DYNC1I1: variants seen among roughly 807,000 people sequenced by gnomAD.
The protein encoded by DYNC1I1 is cytoplasmic dynein 1 intermediate chain 1.
In DYNC1I1, 43 loss-of-function variants were observed where a neutral mutation model predicts 86.6. The ratio of observed to expected loss-of-function variants is 0.50; its 90% CI spans 0.39 to 0.64. DYNC1I1 has a LOEUF of 0.64. Ranked by LOEUF, DYNC1I1 falls within the 30% of genes least tolerant of loss-of-function variation. The pLI is 0.00. For missense variants in DYNC1I1, 604 were observed against 788.8 expected, an observed-to-expected ratio of 0.77 and a Z score of 2.81; for synonymous variants, 262 against 283.7, an observed-to-expected ratio of 0.92 and a Z score of 0.77.
At chr7:95,961,149 T>A (rs933790586) in intron 6 of DYNC1I1, among the ~76,000 whole-genome samples, 1 of 152,180 alleles carries the variant, frequency 6.6e-6, no homozygotes, top group African/African-American at 2.4e-5. Flanking sequence ...CTAGACATAT[T>A]TCTCCTTCAA....
intron 1 of DYNC1I1, among the ~76,000 whole-genome samples, chr7:95,784,532 T>A (rs1794077997): frequency 6.6e-6 from 1 of 152,170 alleles, no homozygotes; most frequent in African/African-American, 2.4e-5. Context: ...GGGGGCAACT[T>A]GAGGTGATGC....
chr7:95,915,719 G>A (rs1791451605), intron 6 of DYNC1I1, among the ~76,000 whole-genome samples: 1 of 152,138 alleles, frequency 6.6e-6, no homozygotes, highest in African/African-American at 2.4e-5. Flanking sequence ...TCAATGAAAT[G>A]AAATGAGAAA....
At chr7:96,083,479 C>A (rs1169154462) in intron 16 of DYNC1I1, among the ~76,000 whole-genome samples, 1 of 147,920 alleles carries the variant, frequency 6.8e-6, no homozygotes, top group African/African-American at 2.7e-5. Flanking sequence ...CCCTTAAGGG[C>A]AAATGCTGCC....
chr7:96,052,994 G>A (rs1356650520), intron 14 of DYNC1I1, among the ~76,000 whole-genome samples: 2 of 152,120 alleles, frequency 1.3e-5, no homozygotes, highest in East Asian at 3.9e-4. Flanking sequence ...CAAATTACCA[G>A]CAGTATTTAT....
chr7:95,947,980 CTTTTT>C (rs35181190), intron 6 of DYNC1I1, among the ~76,000 whole-genome samples: 119 of 106,850 alleles, frequency 1.1e-3, no homozygotes, highest in African/African-American at 4.1e-3. Flanking sequence ...TTGTATGTGG[CTTTTT>C]TTTTTTTTTT....
rs531044530 is a variant in DYNC1I1 at position 95,849,400 on chromosome 7, G to A, written c.375-20483G>A. On this transcript the variant is annotated intron_variant, in intron 5 of 16. Coordinates refer to ENST00000447467, the MANE Select transcript of DYNC1I1 (RefSeq NM_001135556.2). Reference sequence around the variant, plus strand: ...TTTGAGGGAGTTTTTTGGATATGGTGTAAGATAAAGGTCTAATTTTATTCT... The same window carrying A: ...TTTGAGGGAGTTTTTTGGATATGGTATAAGATAAAGGTCTAATTTTATTCT... Among the ~76,000 whole-genome samples, 10 of 152,212 alleles carry A rather than the reference G, an allele frequency of 6.6e-5. No individual in the cohort carries two copies. The South Asian group carries it at 1.2e-3, about 19-fold the overall frequency.
intron 10 of DYNC1I1, among the ~76,000 whole-genome samples, chr7:96,024,905 G>A (rs1443470599): frequency 6.6e-6 from 1 of 152,154 alleles, no homozygotes; most frequent in Non-Finnish European, 1.5e-5. Flanking sequence ...ATAGGTAGCT[G>A]TGTGAACAGC....
chr7:95,944,901 T>A (rs1196909547), intron 6 of DYNC1I1, among the ~76,000 whole-genome samples: 62 of 150,096 alleles, frequency 4.1e-4, no homozygotes, highest in East Asian at 4.0e-4. Context: ...GAGGGATAGT[T>A]TTAGGAGATA....
intron 2 of DYNC1I1, among the ~76,000 whole-genome samples, chr7:95,808,561 G>A (rs1344417876): frequency 6.6e-6 from 1 of 152,140 alleles, no homozygotes; most frequent in Non-Finnish European, 1.5e-5. Context: ...AATGAGGTGA[G>A]CTCAGTGGGG....
intron 10 of DYNC1I1, among the ~76,000 whole-genome samples, chr7:96,005,717 T>C (rs1302664901): frequency 6.6e-6 from 1 of 152,176 alleles, no homozygotes; most frequent in African/African-American, 2.4e-5. Context: ...TCGGCAGATA[T>C]GTTGAAATTG....
At chr7:95,773,060 G>A (rs979031464) in intron 1 of DYNC1I1, among the ~76,000 whole-genome samples, 2 of 152,216 alleles carry the variant, frequency 1.3e-5, no homozygotes, top group African/African-American at 4.8e-5. Context: ...TTGTGGGCTG[G>A]GAAGGGCGTC....
chr7:95,870,640 A>C (rs1196321745), intron 6 of DYNC1I1, among the ~76,000 whole-genome samples: 1 of 152,262 alleles, frequency 6.6e-6, no homozygotes, highest in Non-Finnish European at 1.5e-5. Flanking sequence ...TTCCCATGCA[A>C]ACTCCACATA....
At chr7:96,036,931 C>T (rs1794940309) in intron 13 of DYNC1I1, among the ~76,000 whole-genome samples, 1 of 152,196 alleles carries the variant, frequency 6.6e-6, no homozygotes, top group Non-Finnish European at 1.5e-5. Context: ...CACACTGGTG[C>T]TTAATTTGTC....
chr7:95,963,128 G>A (rs1447571971), intron 6 of DYNC1I1, among the ~76,000 whole-genome samples: 3 of 151,784 alleles, frequency 2.0e-5, no homozygotes, highest in Non-Finnish European at 4.4e-5. Flanking sequence ...TCCTCTCTAC[G>A]TCCTTATTTA....
intron 10 of DYNC1I1, among the ~76,000 whole-genome samples, chr7:96,022,611 C>G (rs1307126091): frequency 6.6e-6 from 1 of 151,902 alleles, no homozygotes; most frequent in Non-Finnish European, 1.5e-5. Context: ...ACCTGTAATC[C>G]CAGCACTTTG....
intron 5 of DYNC1I1, among the ~76,000 whole-genome samples, chr7:95,856,274 G>A (rs1289450459): frequency 1.3e-5 from 2 of 152,040 alleles, no homozygotes; most frequent in African/African-American, 2.4e-5. Flanking sequence ...TTGTCCCCCT[G>A]GACGGTCTTC....
At chr7:96,108,629 C>T (rs952544958) in intron 16 of DYNC1I1, among the ~76,000 whole-genome samples, 8 of 151,826 alleles carry the variant, frequency 5.3e-5, no homozygotes, top group Admixed American at 1.3e-4. Context: ...TTTAGGAGGC[C>T]GAGGCGGGTG....
At chr7:96,007,763 A>G (rs1281861368) in intron 10 of DYNC1I1, among the ~76,000 whole-genome samples, 1 of 152,244 alleles carries the variant, frequency 6.6e-6, no homozygotes, top group Non-Finnish European at 1.5e-5. Flanking sequence ...TAGTTCACAC[A>G]TATCAAAGTA....
chr7:95,878,516 T>C (rs1286348761), intron 6 of DYNC1I1, among the ~76,000 whole-genome samples: 4 of 152,080 alleles, frequency 2.6e-5, no homozygotes, highest in African/African-American at 7.2e-5. Flanking sequence ...GATAGATTGA[T>C]AGGGAGTATG....
Sources: allele counts gnomAD v4.1 joint callset (sites outside exome capture counted in the v4.1 genomes callset), GRCh38; gene constraint gnomAD v4.1.1; transcripts MANE v1.5; gene names NCBI Gene and HGNC (gene_info 2026-07-23, HGNC 2026-07-21).